The following CASD1 variants were observed in gnomAD, a reference collection of about 807,000 sequenced individuals.
The protein encoded by CASD1 is N-acetylneuraminate (7)9-O-acetyltransferase.
In CASD1, 41 loss-of-function variants were observed where a neutral mutation model predicts 100.0. That is an observed-to-expected ratio of 0.41 (90% CI 0.32 to 0.53). The LOEUF (loss-of-function observed/expected upper bound fraction) is 0.53. Among genes scored for constraint, CASD1 ranks in the 20% least tolerant of loss-of-function variants. The pLI is 0.25. For missense variants in CASD1, 774 were observed against 948.7 expected (o/e 0.82, Z 2.42); for synonymous variants, 321 against 315.6 (o/e 1.02, Z -0.18).
intron 5 of CASD1, among the ~76,000 whole-genome samples, chr7:94,530,398 G>C (rs1347421108): frequency 2.0e-5 from 3 of 152,136 alleles, no homozygotes; most frequent in Non-Finnish European, 1.5e-5. Context: ...GTTTTACAGG[G>C]AGTTGACAAG....
chr7:94,568,893 G>A, the CASD1 span, among the ~76,000 whole-genome samples: 1 of 152,082 alleles, frequency 6.6e-6, no homozygotes, highest in Non-Finnish European at 1.5e-5. Context: ...CTTTGATCTT[G>A]TACTTCCTAG....
intron 14 of CASD1, among the ~76,000 whole-genome samples, chr7:94,551,003 G>A (rs1036451682): frequency 5.3e-5 from 8 of 151,682 alleles, no homozygotes; most frequent in African/African-American, 1.9e-4. Flanking sequence ...ATCTTTGTTG[G>A]GTGCATTTAA....
the CASD1 span, among the ~76,000 whole-genome samples, chr7:94,604,426 A>C: frequency 6.6e-6 from 1 of 152,040 alleles, no homozygotes; most frequent in Non-Finnish European, 1.5e-5. Flanking sequence ...ACACACACAC[A>C]CACACACAAA....
At position 94,556,356 on chromosome 7, in the gene CASD1, G is replaced by A. The variant is rs192182816; in HGVS notation, c.*598G>A. On this transcript the variant is annotated 3_prime_UTR_variant, in exon 18 of 18. Transcript: ENST00000297273. Reference sequence around the variant, plus strand: ...CTTCCTAACTGTGGTTTTCGGGTATGCAAGCCTAAATCTTTGTACACTTTG... The same window carrying A: ...CTTCCTAACTGTGGTTTTCGGGTATACAAGCCTAAATCTTTGTACACTTTG... 6.6e-6 allele frequency: 1 copy of A among 152,172 alleles called. No homozygotes were observed. Among genetic ancestry groups the A allele is most frequent in the Admixed American group, 6.5e-5 (1 of 15,270 alleles). The allele number at this position is 152,172 out of a possible 1,614,324, so 9.4% of individuals were successfully genotyped here.
At chr7:94,549,406 CAG>C (rs1795835952) in intron 13 of CASD1, 125 bp from the exon 14 acceptor site, 2 of 464,658 alleles carry the variant, frequency 4.3e-6, no homozygotes, top group Non-Finnish European at 3.7e-6. Context: ...TGAAATAAAA[CAG>C]AATTTTAACA....
chr7:94,540,539 A>C (rs1440291069), intron 10 of CASD1, among the ~76,000 whole-genome samples: 1 of 152,148 alleles, frequency 6.6e-6, no homozygotes, highest in East Asian at 1.9e-4. Flanking sequence ...AATGTTACTA[A>C]AATTATTTGG....
the CASD1 span, among the ~76,000 whole-genome samples, chr7:94,576,203 A>G: frequency 1.3e-5 from 2 of 152,144 alleles, no homozygotes; most frequent in Non-Finnish European, 2.9e-5. Context: ...CTCAGACTGG[A>G]TAACCTCAGT....
chr7:94,585,347 AGTTAT>A, the CASD1 span: 1 of 603,182 alleles, frequency 1.7e-6, no homozygotes, highest in African/African-American at 1.8e-5. Context: ...GTAAAATGAA[AGTTAT>A]GTTGTATTAT....
intron 2 of CASD1, among the ~76,000 whole-genome samples, chr7:94,517,903 T>A (rs758281280): frequency 6.6e-6 from 1 of 152,248 alleles, no homozygotes; most frequent in Non-Finnish European, 1.5e-5. Flanking sequence ...AAAAGACTCT[T>A]GCTCTGGCAC....
chr7:94,632,697 A>G, the CASD1 span, among the ~76,000 whole-genome samples: 38 of 152,118 alleles, frequency 2.5e-4, no homozygotes, highest in Admixed American at 2.0e-4. Context: ...ACAACATTTT[A>G]GAGGAGTGCC....
At chr7:94,524,917 A>G (rs191725988) in intron 3 of CASD1, among the ~76,000 whole-genome samples, 143 of 152,292 alleles carry the variant, frequency 9.4e-4, no homozygotes, top group Admixed American at 6.5e-3. Context: ...AGAGCTATAT[A>G]AAGGATATTC....
At chr7:94,600,701 C>T in the CASD1 span, 1 of 1,613,812 alleles carries the variant, frequency 6.2e-7, no homozygotes, top group Middle Eastern at 1.7e-4. Flanking sequence ...AGGACCAGTG[C>T]CACTGCCGAG....
chr7:94,618,865 G>T, the CASD1 span: 1 of 1,613,836 alleles, frequency 6.2e-7, no homozygotes, highest in Non-Finnish European at 8.5e-7. Context: ...TTTTCACTGC[G>T]CCAAGAAAGT....
At chr7:94,533,569 A>G in intron 6 of CASD1, 110 bp from the exon 7 acceptor site, 7 of 822,650 alleles carry the variant, frequency 8.5e-6, no homozygotes, top group Non-Finnish European at 1.2e-5. Context: ...CTAATATTAA[A>G]TAAAATGAGA....
the CASD1 span, among the ~76,000 whole-genome samples, chr7:94,604,413 T>TACACAC: frequency 1.9e-3 from 278 of 148,570 alleles, 1 homozygote; most frequent in African/African-American, 5.6e-3. Context: ...AGAATAGCCA[T>TACACAC]ACACACACAC....
rs375930012 is a variant in CASD1 at position 94,552,433 on chromosome 7, A to C, written c.2034+6A>C. The stretch of plus-strand genomic sequence containing the variant: ...CGTCTGTTTCTGTGGTACAGGTACT[A>C]TCTTGATTTAGAGAAATTTCTACAT... On this transcript the variant is annotated splice_donor_region_variant and intron_variant, in intron 16 of 17. Coordinates refer to ENST00000297273, the MANE Select transcript of CASD1 (RefSeq NM_022900.5). The C allele has an allele frequency of 3.2e-6, 5 of 1,581,550 alleles. No individual in the cohort carries two copies. In the African/African-American group the frequency reaches 5.5e-5, roughly 17 times the overall value.
chr7:94,600,543 C>G, the CASD1 span: 1 of 796,376 alleles, frequency 1.3e-6, no homozygotes. Flanking sequence ...AATTCATTTA[C>G]AAAGTGTTTT....
the CASD1 span, among the ~76,000 whole-genome samples, chr7:94,595,712 T>C: frequency 8.3e-4 from 127 of 152,180 alleles, no homozygotes; most frequent in Non-Finnish European, 1.6e-3. Context: ...TGGTAAAAAG[T>C]AAAAGTTGAA....
At chr7:94,540,057 G>GATAA (rs1795319041) in intron 10 of CASD1, among the ~76,000 whole-genome samples, 1 of 152,078 alleles carries the variant, frequency 6.6e-6, no homozygotes, top group Admixed American at 6.6e-5. Flanking sequence ...GGATTATTAT[G>GATAA]ATCTCTGGCC....
Sources: allele counts gnomAD v4.1 joint callset (sites outside exome capture counted in the v4.1 genomes callset), GRCh38; gene constraint gnomAD v4.1.1; transcripts MANE v1.5; gene names NCBI Gene and HGNC (gene_info 2026-07-23, HGNC 2026-07-21).